CDH22: variants seen among roughly 807,000 people sequenced by gnomAD.
CDH22 encodes the protein cadherin 22.
Under a neutral mutation model 58.4 loss-of-function variants are expected in CDH22, and 30 were observed. That is an observed-to-expected ratio of 0.51 (90% confidence interval 0.38 to 0.70). The LOEUF (loss-of-function observed/expected upper bound fraction) is 0.70, where lower values mean the gene tolerates loss of function less well. Ranked by LOEUF, CDH22 falls within the 30% of genes least tolerant of loss-of-function variation. CDH22 has a pLI of 0.00. For missense variants in CDH22, 1,014 were observed against 1,233.9 expected, an observed-to-expected ratio of 0.82 and a Z score of 2.67; for synonymous variants, 513 against 558.2, an observed-to-expected ratio of 0.92 and a Z score of 1.14.
At chr20:46,304,790 C>A (rs1319286020) in intron 1 of CDH22, among the ~76,000 whole-genome samples, 2 of 152,206 alleles carry the variant, frequency 1.3e-5, no homozygotes, top group East Asian at 3.8e-4. Flanking sequence ...TATCCTTAAC[C>A]CCCAGATGGG....
intron 4 of CDH22, among the ~76,000 whole-genome samples, chr20:46,226,283 CTTCTTCTTCTT>C (rs1209985790): frequency 7.9e-4 from 2 of 2,542 alleles, no homozygotes; most frequent in Admixed American, 5.3e-3. Flanking sequence ...TCTTCTTCTT[CTTCTTCTTCTT>C]TTTTTTTTTG....
Position 46,237,645 on chromosome 20 carries a change from C to A in CDH22, c.550+3318G>T, listed in dbSNP as rs77855363. On this transcript the variant is annotated intron_variant, in intron 3 of 11. Transcript: ENST00000537909. Reference sequence around the variant, plus strand: ...CAGCTGGTTCAAATTGAGTCCCCCCCACTCCCGACATTTTTCCTGAGTGGA... The same window carrying A: ...CAGCTGGTTCAAATTGAGTCCCCCCAACTCCCGACATTTTTCCTGAGTGGA... 8.1e-3 allele frequency among the ~76,000 whole-genome samples: 1,227 copies of A among 152,272 alleles called. 18 individuals carry two copies. Among genetic ancestry groups the A allele is most frequent in the Admixed American group, 0.027 (409 of 15,304 alleles).
At chr20:46,188,099 T>G (rs373647077) in intron 8 of CDH22, among the ~76,000 whole-genome samples, 3 of 152,216 alleles carry the variant, frequency 2.0e-5, no homozygotes, top group East Asian at 3.8e-4. Flanking sequence ...ATGGTACATG[T>G]AAATTCTAAT....
At chr20:46,191,460 C>A (rs976367780) in intron 8 of CDH22, among the ~76,000 whole-genome samples, 1 of 152,114 alleles carries the variant, frequency 6.6e-6, no homozygotes, top group East Asian at 1.9e-4. Context: ...CAAGAGGAGA[C>A]GGGGCCTGGC....
At chr20:46,252,242 G>A (rs952815673) in intron 1 of CDH22, among the ~76,000 whole-genome samples, 5 of 152,080 alleles carry the variant, frequency 3.3e-5, no homozygotes, top group South Asian at 2.1e-4. Context: ...TGATGTGCTC[G>A]TACCCCCACA....
chr20:46,176,179 A>G (rs2085737142), intron 11 of CDH22, among the ~76,000 whole-genome samples: 1 of 152,070 alleles, frequency 6.6e-6, no homozygotes, highest in Admixed American at 6.6e-5. Context: ...TTCTGTGTCC[A>G]TGCTCCCTCT....
At chr20:46,260,489 T>C (rs2086427903) in intron 1 of CDH22, among the ~76,000 whole-genome samples, 1 of 152,222 alleles carries the variant, frequency 6.6e-6, no homozygotes, top group Non-Finnish European at 1.5e-5. Context: ...GACAAAGACC[T>C]CACCTACTCC....
chr20:46,237,400 C>G (rs1450083689), intron 3 of CDH22, among the ~76,000 whole-genome samples: 1 of 152,114 alleles, frequency 6.6e-6, no homozygotes, highest in South Asian at 2.1e-4. Flanking sequence ...AAGCTGCGTC[C>G]CTGCTCCCTC....
chr20:46,205,579 T>A (rs2085996435), intron 7 of CDH22, among the ~76,000 whole-genome samples: 1 of 152,194 alleles, frequency 6.6e-6, no homozygotes, highest in South Asian at 2.1e-4. Flanking sequence ...GACTAGCTGT[T>A]TTTGATGATC....
intron 10 of CDH22, 37 bp downstream of exon 10, chr20:46,186,551 C>A: frequency 7.1e-7 from 1 of 1,399,776 alleles, no homozygotes; most frequent in Non-Finnish European, 1.0e-6. Flanking sequence ...GGAGACTGTG[C>A]CCCTCCCTTC....
At chr20:46,260,478 G>A (rs995990669) in intron 1 of CDH22, among the ~76,000 whole-genome samples, 1 of 152,178 alleles carries the variant, frequency 6.6e-6, no homozygotes, top group African/African-American at 2.4e-5. Context: ...AACTTCCGAA[G>A]GACAAAGACC....
chr20:46,278,297 C>T (rs1224776184), intron 1 of CDH22, among the ~76,000 whole-genome samples: 2 of 152,230 alleles, frequency 1.3e-5, no homozygotes, highest in Non-Finnish European at 2.9e-5. Flanking sequence ...CCCAGGCAGC[C>T]TCTTGGTTCT....
chr20:46,230,591 G>T (rs945304200), intron 3 of CDH22, among the ~76,000 whole-genome samples: 5 of 152,104 alleles, frequency 3.3e-5, no homozygotes, highest in African/African-American at 1.2e-4. Context: ...TTCAATAACT[G>T]ATAAAGATAG....
chr20:46,228,570 T>C (rs950135346), intron 3 of CDH22, among the ~76,000 whole-genome samples: 1 of 68,950 alleles, frequency 1.5e-5, no homozygotes, highest in African/African-American at 5.5e-5. Flanking sequence ...GGGGTAAGGG[T>C]GGGGGAGGGT....
intron 2 of CDH22, among the ~76,000 whole-genome samples, chr20:46,248,439 G>A (rs1050967817): frequency 6.6e-6 from 1 of 152,206 alleles, no homozygotes; most frequent in African/African-American, 2.4e-5. Context: ...CTGGACCAAA[G>A]GTCTTTTCCC....
Position 46,236,692 on chromosome 20 carries a change from TAGAG to T in CDH22, c.550+4267_550+4270del, listed in dbSNP as rs74174558. ...ATCTATCTATCTATCTATATATACA[TAGAG>T]AGAGAGAGAGAGAGAAAGAGAGTCT... On this transcript the variant is annotated intron_variant, in intron 3 of 11. Transcript: ENST00000537909. Among the ~76,000 whole-genome samples, 50 of 144,154 alleles carry T rather than the reference TAGAG, an allele frequency of 3.5e-4. 1 individual carries two copies. Among genetic ancestry groups the T allele is most frequent in the African/African-American group, 9.0e-4 (35 of 38,700 alleles). The allele number at this position is 144,154 out of a possible 152,430, so 94.6% of individuals were successfully genotyped here.
chr20:46,186,983 C>T, intron 8 of CDH22, 36 bp from the exon 9 acceptor site: 1 of 1,535,098 alleles, frequency 6.5e-7, no homozygotes, highest in Middle Eastern at 1.8e-4. Context: ...GGAGAGGCAT[C>T]AAGTGGGAGA....
At chr20:46,303,846 A>G (rs1226841391) in intron 1 of CDH22, among the ~76,000 whole-genome samples, 1 of 152,166 alleles carries the variant, frequency 6.6e-6, no homozygotes, top group Non-Finnish European at 1.5e-5. Context: ...GGTTTTAATC[A>G]AGCCAGTGAC....
At chr20:46,264,113 C>T (rs189002734) in intron 1 of CDH22, among the ~76,000 whole-genome samples, 19 of 152,274 alleles carry the variant, frequency 1.2e-4, no homozygotes, top group Admixed American at 9.8e-4. Flanking sequence ...TTTTAGCTGA[C>T]GTTTTTTGAT....
Sources: gnomAD v4.1 joint callset for allele counts (sites outside exome capture counted in the v4.1 genomes callset) on GRCh38, gnomAD v4.1.1 for gene constraint, MANE v1.5 for transcripts, NCBI Gene and HGNC (gene_info 2026-07-23, HGNC 2026-07-21) for gene names.